Variants in COL25A1 observed in about 807,000 individuals in gnomAD.
COL25A1 encodes the protein collagen type XXV alpha 1 chain.
Under a neutral mutation model 128.4 loss-of-function variants are expected in COL25A1, and 103 were observed. The ratio of observed to expected loss-of-function variants is 0.80; its 90% CI spans 0.68 to 0.94. COL25A1 has a LOEUF of 0.94. Among genes scored for constraint, COL25A1 ranks in the 40% least tolerant of loss-of-function variants. The probability of loss-of-function intolerance (pLI) is 0.00; values close to 1 mark genes in which losing one functional copy is unlikely to be tolerated. For missense variants in COL25A1, 745 were observed against 840.0 expected (o/e 0.89, Z 1.40); for synonymous variants, 279 against 277.2 (o/e 1.01, Z -0.06).
chr4:109,098,032 A>G (rs1323978349), intron 3 of COL25A1, among the ~76,000 whole-genome samples: 1 of 152,206 alleles, frequency 6.6e-6, no homozygotes, highest in Non-Finnish European at 1.5e-5. Flanking sequence ...CTCTAGGGAT[A>G]GATGGTGTAT....
intron 20 of COL25A1, 65 bp from the exon 21 acceptor site, chr4:108,863,452 ATAAAT>A (rs1737513171): frequency 5.9e-6 from 8 of 1,363,610 alleles, no homozygotes; most frequent in Non-Finnish European, 6.1e-6. Context: ...CTGTAGATTA[ATAAAT>A]GAGTTGAAGG....
chr4:109,260,855 A>C (rs1208835523), intron 3 of COL25A1, among the ~76,000 whole-genome samples: 2 of 152,146 alleles, frequency 1.3e-5, no homozygotes, highest in Non-Finnish European at 2.9e-5. Context: ...AGGAGGAAAA[A>C]AAACAATATT....
intron 18 of COL25A1, among the ~76,000 whole-genome samples, chr4:108,888,845 G>A (rs1741118600): frequency 1.3e-5 from 2 of 152,040 alleles, no homozygotes; most frequent in African/African-American, 2.4e-5. Flanking sequence ...AAACAGCAAA[G>A]CAACACAGCC....
chr4:109,032,313 A>G (rs1758941824), intron 5 of COL25A1, among the ~76,000 whole-genome samples: 1 of 152,184 alleles, frequency 6.6e-6, no homozygotes, highest in Non-Finnish European at 1.5e-5. Context: ...TTAAAAATTC[A>G]TTCTTATATG....
chr4:109,052,297 T>C (rs1761069756), intron 3 of COL25A1, among the ~76,000 whole-genome samples: 1 of 152,166 alleles, frequency 6.6e-6, no homozygotes, highest in African/African-American at 2.4e-5. Context: ...GGATTAAATA[T>C]TCAATCAGAA....
chr4:108,860,886 T>C (rs977554765), intron 23 of COL25A1, 41 bp downstream of exon 23: 2 of 1,575,174 alleles, frequency 1.3e-6, no homozygotes, highest in Non-Finnish European at 1.7e-6. Flanking sequence ...AATCTGGGAT[T>C]GTAGGGAGCA....
chr4:109,261,939 T>C (rs1327033771), intron 3 of COL25A1, among the ~76,000 whole-genome samples: 3 of 151,780 alleles, frequency 2.0e-5, no homozygotes, highest in African/African-American at 7.3e-5. Flanking sequence ...CCTCGTGATC[T>C]GCCTTTCTCG....
At position 109,003,234 on chromosome 4, in the gene COL25A1, T is replaced by A. The variant is rs534031111; in HGVS notation, c.438+7124A>T. On this transcript the variant is annotated intron_variant, in intron 6 of 37. Transcript: ENST00000399132. ...CTATCCATCTGACAAAGGTTTAATA[T>A]CCAGAATCTACATAGAACTTAAACA... 7.9e-5 allele frequency among the ~76,000 whole-genome samples: 12 copies of A among 152,260 alleles called. No homozygotes were observed. The South Asian group carries it at 8.3e-4, about 11-fold the overall frequency.
intron 33 of COL25A1, 42 bp from the exon 34 acceptor site, chr4:108,825,264 T>C: frequency 6.5e-7 from 1 of 1,540,242 alleles, no homozygotes. Context: ...TTTCTAAGTT[T>C]TGTGAATAGA....
Position 109,283,565 on chromosome 4 carries a change from G to A in COL25A1, c.367+17018C>T, listed in dbSNP as rs1295400208. On this transcript the variant is annotated intron_variant, in intron 3 of 37. Transcript: ENST00000399132. ...GGCGTGAGCCCCATCAGCTAGCAAC[G>A]TGTTTTTAAAAATTACTTGAATGCT... is the stretch of plus-strand genomic sequence containing the variant. Among the ~76,000 whole-genome samples, 4 of 152,164 alleles carry A rather than the reference G, an allele frequency of 2.6e-5. No individual in the cohort carries two copies. In the South Asian group the frequency reaches 6.2e-4, roughly 24 times the overall value.
chr4:109,274,722 C>T (rs1200442583), intron 3 of COL25A1, among the ~76,000 whole-genome samples: 2 of 152,104 alleles, frequency 1.3e-5, no homozygotes, highest in African/African-American at 4.8e-5. Context: ...TGGAAAATGA[C>T]ATTTTATATA....
intron 3 of COL25A1, among the ~76,000 whole-genome samples, chr4:109,154,464 T>C (rs914070305): frequency 5.9e-5 from 9 of 152,196 alleles, no homozygotes; most frequent in African/African-American, 1.9e-4. Flanking sequence ...TTTAGTTATT[T>C]CCAAAGCTCA....
At chr4:109,065,355 C>A (rs1033304568) in intron 3 of COL25A1, among the ~76,000 whole-genome samples, 2 of 152,140 alleles carry the variant, frequency 1.3e-5, no homozygotes, top group African/African-American at 4.8e-5. Context: ...AATAGCCAGT[C>A]CTTGTCCAGC....
At chr4:109,214,258 C>A (rs1260812385) in intron 3 of COL25A1, among the ~76,000 whole-genome samples, 1 of 152,054 alleles carries the variant, frequency 6.6e-6, no homozygotes, top group Non-Finnish European at 1.5e-5. Context: ...TTGAAAACTT[C>A]ATAAAATCAA....
chr4:109,115,027 G>T (rs1767402111), intron 3 of COL25A1, among the ~76,000 whole-genome samples: 1 of 151,992 alleles, frequency 6.6e-6, no homozygotes, highest in African/African-American at 2.4e-5. Flanking sequence ...AAAAATTTAT[G>T]AACATAGGCA....
chr4:108,989,101 T>C (rs1338748931), intron 6 of COL25A1, among the ~76,000 whole-genome samples: 1 of 152,254 alleles, frequency 6.6e-6, no homozygotes, highest in African/African-American at 2.4e-5. Context: ...TTGGTAGTTT[T>C]CTTCTGAGTA....
intron 3 of COL25A1, among the ~76,000 whole-genome samples, chr4:109,116,709 C>G (rs1767601727): frequency 6.6e-6 from 1 of 151,884 alleles, no homozygotes; most frequent in South Asian, 2.1e-4. Flanking sequence ...ATTATCAAAC[C>G]AGGATTTTTT....
chr4:109,158,172 T>C (rs1209123904), intron 3 of COL25A1, among the ~76,000 whole-genome samples: 2 of 152,224 alleles, frequency 1.3e-5, no homozygotes, highest in African/African-American at 4.8e-5. Context: ...TGGAGAGTTA[T>C]GACAATTTAA....
At chr4:109,127,951 C>T (rs1012380418) in intron 3 of COL25A1, among the ~76,000 whole-genome samples, 3 of 149,914 alleles carry the variant, frequency 2.0e-5, no homozygotes, top group African/African-American at 7.6e-5. Context: ...CAGAGTTATT[C>T]TTTCCTATTG....
Sources: gnomAD v4.1 joint callset for allele counts (sites outside exome capture counted in the v4.1 genomes callset) on GRCh38, gnomAD v4.1.1 for gene constraint, MANE v1.5 for transcripts, NCBI Gene and HGNC (gene_info 2026-07-23, HGNC 2026-07-21) for gene names.